FNDC8: variants seen among roughly 807,000 people sequenced by gnomAD.
The protein encoded by FNDC8 is fibronectin type III domain-containing protein 8.
FNDC8 carries 23 observed loss-of-function variants against 24.8 expected under a neutral mutation model. The ratio of observed to expected loss-of-function variants is 0.93; its 90% CI spans 0.67 to 1.31. FNDC8 has a LOEUF of 1.31. Among genes scored for constraint, FNDC8 ranks in the 40% most tolerant of loss-of-function variants. The pLI is 0.00. For synonymous variants in FNDC8, 158 were observed against 165.3 expected (o/e 0.96, Z 0.34); for missense variants, 371 against 398.2 (o/e 0.93, Z 0.58).
chr17:35,125,005 A>G (rs1188052689), intron 1 of FNDC8, among the ~76,000 whole-genome samples: 1 of 150,952 alleles, frequency 6.6e-6, no homozygotes, highest in African/African-American at 2.4e-5. Context: ...TCGAAGTCAC[A>G]CCAGTGCACT....
chr17:35,126,995 G>A (rs2091851582), intron 1 of FNDC8, 47 bp from the exon 2 acceptor site: 2 of 1,534,338 alleles, frequency 1.3e-6, no homozygotes, highest in Non-Finnish European at 1.8e-6. Flanking sequence ...GGAACGGGCT[G>A]GGGTGGCCTC....
In FNDC8 at chr17:35,129,656, A is replaced by G. The variant is rs765367818; in HGVS notation, c.820A>G (p.Lys274Glu). The G allele has an allele frequency of 1.2e-6, 2 of 1,613,484 alleles. No homozygotes were observed. Among genetic ancestry groups the G allele is most frequent in the Non-Finnish European group, 1.7e-6 (2 of 1,179,836 alleles). Residue 274 changes from lysine (K) to glutamate (E), a missense_variant and splice_region_variant, in exon 3 of 4, where the codon AAA (lysine) becomes GAA (glutamate). By Grantham distance (56) the Lys-to-Glu change is moderately conservative. Transcript: ENST00000158009. ...AGVGKWCKPY[K>E]FATLATDFSS... ...GGTGGGGAAGTGGTGCAAGCCCTAC[A>G]AAGTGAGCCCTGGGAAAAGAGGGGC... is the stretch of plus-strand genomic sequence containing the variant.
rs1555570986 is a variant in FNDC8 at position 35,122,171 on chromosome 17, T to TATATAC, written c.209+274_209+275insCATATA. On this transcript the variant is annotated intron_variant, in intron 1 of 3. Coordinates refer to ENST00000158009, the MANE Select transcript of FNDC8 (RefSeq NM_017559.4). ...TGGCTAATTTTCATATATATATATATATATATATATATATATATATATATA... is the reference window on the plus strand; with the variant it reads ...TGGCTAATTTTCATATATATATATATATATACATATATATATATATATATATATATA... 3.0e-4 allele frequency among the ~76,000 whole-genome samples: 8 copies of TATATAC among 26,712 alleles called. No individual in the cohort carries two copies. The East Asian group carries it at 5.3e-3, about 18-fold the overall frequency. The allele number at this position is 26,712 out of a possible 152,430, so 17.5% of individuals were successfully genotyped here. A position where few individuals can be genotyped will look rare whatever the true frequency, so the allele number is the denominator to read the frequency against.
Position 35,126,625 on chromosome 17 carries a change from A to AGGAT in FNDC8, c.210-417_210-416insGGAT, listed in dbSNP as rs1220584449. On this transcript the variant is annotated intron_variant, in intron 1 of 3. Transcript: ENST00000158009. ...TCAAGCAATTCTCCTGCCTCAGCCT[A>AGGAT]CCAAGTAGCTAGGATTACAGGTGCC... 2.0e-5 allele frequency among the ~76,000 whole-genome samples: 3 copies of AGGAT among 149,924 alleles called. No homozygotes were observed. The East Asian group carries it at 5.9e-4, about 30-fold the overall frequency.
At chr17:35,129,098 C>A in intron 2 of FNDC8, 1 of 250,152 alleles carries the variant, frequency 4.0e-6, no homozygotes, top group Non-Finnish European at 7.8e-6. Flanking sequence ...GCCCACCAAT[C>A]TCCTCCTGCT....
Position 35,121,761 on chromosome 17 carries a change from A to G in FNDC8, c.68A>G (p.Asn23Ser). 1 of 1,613,782 alleles carries G rather than the reference A, an allele frequency of 6.2e-7. No homozygotes were observed. Among genetic ancestry groups the G allele is most frequent in the South Asian group, 1.1e-5 (1 of 91,084 alleles). ...EEAVLKKENF[N>S]MMNALDQLPK... ...GCTGTACTGAAGAAAGAAAACTTCA[A>G]CATGATGAATGCCCTTGACCAACTG... Residue 23 changes from asparagine (N) to serine (S), a missense_variant, in exon 1 of 4, where the codon AAC (asparagine) becomes AGC (serine). Coordinates refer to ENST00000158009, the MANE Select transcript of FNDC8 (RefSeq NM_017559.4).
rs763993000 is a variant in FNDC8, at chr17:35,130,424, T to A, written c.965T>A (p.Phe322Tyr). The A allele has an allele frequency of 6.2e-7, 1 of 1,613,812 alleles. No homozygotes were observed. Among genetic ancestry groups the A allele is most frequent in the South Asian group, 1.1e-5 (1 of 91,080 alleles). ...AGGCTGGAGGATCTGGAATACCTAT[T>A]TCCCTGTTAAGGGGGAGGGCCCCAG... Reference protein sequence around the residue: ...MRRLEDLEYLFPC With the variant: ...MRRLEDLEYLYPC Residue 322 changes from phenylalanine (F) to tyrosine (Y), a missense_variant, in exon 4 of 4, where the codon TTT becomes TAT. Transcript: ENST00000158009.
chr17:35,130,637 C>T lies in FNDC8; in HGVS notation c.*203C>T, dbSNP rs998413715. On this transcript the variant is annotated 3_prime_UTR_variant, in exon 4 of 4. Coordinates refer to ENST00000158009, the MANE Select transcript of FNDC8 (RefSeq NM_017559.4). ...GGAGGCATCTCAGGCCAGGCCATGC[C>T]AGGCTCAGCCACTGCCCACAGCTGC... 8.7e-6 allele frequency: 5 copies of T among 575,850 alleles called. No homozygotes were observed. Among genetic ancestry groups the T allele is most frequent in the African/African-American group, 3.7e-5 (2 of 53,420 alleles). The allele number at this position is 575,850 out of a possible 1,614,324, so 35.7% of individuals were successfully genotyped here. A position where few individuals can be genotyped will look rare whatever the true frequency, so the allele number is the denominator to read the frequency against.
rs751635133 is a variant in FNDC8, at chr17:35,121,833, C to G, written c.140C>G (p.Thr47Ser). The G allele has an allele frequency of 6.2e-7, 1 of 1,613,630 alleles. No individual in the cohort carries two copies. The highest frequency in any genetic ancestry group is 1.3e-5 in the African/African-American group (1 of 74,766). Residue 47 changes from threonine (T) to serine (S), a missense_variant, in exon 1 of 4, where the codon ACC (threonine) becomes AGC (serine). Thr to Ser is a moderately conservative substitution (Grantham distance 58, BLOSUM62 1). Coordinates refer to ENST00000158009, the MANE Select transcript of FNDC8 (RefSeq NM_017559.4). ...AAGTCTATGAACCGGACCGTCACTA[C>G]CAAAGGACTCCCACTAGCCTCAAAG... ...NPKSMNRTVTTKGLPLASKGN... is the reference protein window; with the variant it reads ...NPKSMNRTVTSKGLPLASKGN...
chr17:35,124,528 AAAATAAAT>A (rs746260935), intron 1 of FNDC8, among the ~76,000 whole-genome samples: 19 of 152,090 alleles, frequency 1.2e-4, no homozygotes, highest in African/African-American at 4.3e-4. Context: ...CTCCATCTCA[AAAATAAAT>A]AAATAAATAA....
intron 2 of FNDC8, chr17:35,128,814 A>G: frequency 5.9e-6 from 1 of 169,146 alleles, no homozygotes; most frequent in South Asian, 1.8e-4. Context: ...AAATAATTAT[A>G]CAACTCACCA....
chr17:35,122,449 AG>A (rs1456587497), intron 1 of FNDC8, among the ~76,000 whole-genome samples: 1 of 151,480 alleles, frequency 6.6e-6, no homozygotes, highest in Admixed American at 6.6e-5. Context: ...GCGTGTGGGC[AG>A]GTTGGATCTA....
chr17:35,124,282 C>T (rs1371400627), intron 1 of FNDC8, among the ~76,000 whole-genome samples: 2 of 152,202 alleles, frequency 1.3e-5, no homozygotes, highest in African/African-American at 4.8e-5. Context: ...GTAATCCTAG[C>T]ACTTTGGAAG....
Position 35,124,049 on chromosome 17 carries a change from T to C in FNDC8, c.209+2147T>C, listed in dbSNP as rs373362110. 5.3e-5 allele frequency among the ~76,000 whole-genome samples: 8 copies of C among 152,296 alleles called. No individual in the cohort carries two copies. In the East Asian group the frequency reaches 9.6e-4, roughly 18 times the overall value. Reference sequence around the variant, plus strand: ...TCCAAATGTCCACCAAGCGCTAGCATAGGGGATCTGGGCTAATCAGGATTT... The same window carrying C: ...TCCAAATGTCCACCAAGCGCTAGCACAGGGGATCTGGGCTAATCAGGATTT... On this transcript the variant is annotated intron_variant, in intron 1 of 3. Coordinates refer to ENST00000158009, the MANE Select transcript of FNDC8 (RefSeq NM_017559.4).
chr17:35,127,990 G>A (rs1431523053), intron 2 of FNDC8, among the ~76,000 whole-genome samples: 1 of 152,112 alleles, frequency 6.6e-6, no homozygotes, highest in Admixed American at 6.6e-5. Context: ...GCTACACGTC[G>A]AACAACACCG....
At chr17:35,129,374 A>G (rs764376056) in intron 2 of FNDC8, 48 bp from the exon 3 acceptor site, 1 of 1,589,970 alleles carries the variant, frequency 6.3e-7, no homozygotes, top group South Asian at 1.1e-5. Flanking sequence ...AAGGGACAGG[A>G]AGGACAGGAC....
chr17:35,130,353 G>A lies in FNDC8; in HGVS notation c.894G>A (p.Lys298=). 1 of 1,614,146 alleles carries A rather than the reference G, an allele frequency of 6.2e-7. No homozygotes were observed. Among genetic ancestry groups the A allele is most frequent in the South Asian group, 1.1e-5 (1 of 91,088 alleles). ...CCATCCAGATCACCGTGCGGCGCAAGGAACCCCGGCAAAAGATCGTGTCCA... is the reference window on the plus strand; with the variant it reads ...CCATCCAGATCACCGTGCGGCGCAAAGAACCCCGGCAAAAGATCGTGTCCA... The part of the protein sequence containing the change: ...NYPIQITVRR[K]EPRQKIVSIG... Residue 298 remains lysine (K), a synonymous_variant, in exon 4 of 4, where the codon AAG becomes AAA. Coordinates refer to ENST00000158009, the MANE Select transcript of FNDC8 (RefSeq NM_017559.4).
intron 1 of FNDC8, among the ~76,000 whole-genome samples, chr17:35,122,729 C>T (rs2091834846): frequency 6.6e-6 from 1 of 152,142 alleles, no homozygotes; most frequent in Non-Finnish European, 1.5e-5. Context: ...GTCTGGTTTT[C>T]CTCTACTTCA....
chr17:35,129,769 C>G, intron 3 of FNDC8, 111 bp downstream of exon 3: 1 of 1,475,326 alleles, frequency 6.8e-7, no homozygotes, highest in East Asian at 2.5e-5. Context: ...ATCTGGCTAG[C>G]TTTCCTTCTG....
Sources: allele counts gnomAD v4.1 joint callset (sites outside exome capture counted in the v4.1 genomes callset), GRCh38; gene constraint gnomAD v4.1.1; transcripts MANE v1.5; gene names NCBI Gene and HGNC (gene_info 2026-07-23, HGNC 2026-07-21).